Variants in GREB1L observed in about 807,000 individuals in gnomAD.
GREB1L encodes the protein GREB1 like retinoic acid receptor coactivator.
Under a neutral mutation model 200.8 loss-of-function variants are expected in GREB1L, and 17 were observed. The ratio of observed to expected loss-of-function variants is 0.08; its 90% CI spans 0.06 to 0.13. GREB1L has a LOEUF of 0.13. GREB1L is among the 10% of genes least tolerant of loss of function. The pLI is 1.00. For synonymous variants in GREB1L, 789 were observed against 893.0 expected, an observed-to-expected ratio of 0.88 and a Z score of 2.08; for missense variants, 1,657 against 2,367.7, an observed-to-expected ratio of 0.70 and a Z score of 6.23.
At chr18:21,508,349 A>C (rs976999414) in intron 26 of GREB1L, 38 bp from the exon 27 acceptor site, 1 of 1,550,248 alleles carries the variant, frequency 6.5e-7, no homozygotes. Flanking sequence ...TAGAGGCTTT[A>C]ATTTCCCTTT....
intron 1 of GREB1L, among the ~76,000 whole-genome samples, chr18:21,251,907 T>C (rs1598605884): frequency 7.2e-6 from 1 of 139,096 alleles, no homozygotes; most frequent in South Asian, 2.2e-4. Flanking sequence ...ATTGTGCCAG[T>C]GCACTCTAGC....
chr18:21,434,786 T>C (rs2033434373), intron 7 of GREB1L, among the ~76,000 whole-genome samples: 1 of 152,036 alleles, frequency 6.6e-6, no homozygotes, highest in South Asian at 2.1e-4. Flanking sequence ...AGTAAAAAAT[T>C]AAAAACCAGT....
At chr18:21,454,329 A>C (rs1262881052) in intron 14 of GREB1L, 37 bp from the exon 15 acceptor site, 13 of 1,443,104 alleles carry the variant, frequency 9.0e-6, no homozygotes, top group Non-Finnish European at 1.2e-5. Flanking sequence ...AGGGAAGTAA[A>C]TTAACCTTGT....
At chr18:21,271,947 T>C (rs1191450588) in intron 1 of GREB1L, among the ~76,000 whole-genome samples, 1 of 152,128 alleles carries the variant, frequency 6.6e-6, no homozygotes, top group Non-Finnish European at 1.5e-5. Flanking sequence ...CTTAAAGCTG[T>C]GCAAATTGGC....
intron 1 of GREB1L, among the ~76,000 whole-genome samples, chr18:21,358,791 A>G (rs1490393947): frequency 3.9e-5 from 6 of 152,210 alleles, no homozygotes; most frequent in Non-Finnish European, 8.8e-5. Context: ...CCACTAAAGA[A>G]CTTATTTATG....
At chr18:21,372,266 G>C (rs971756636) in intron 2 of GREB1L, among the ~76,000 whole-genome samples, 16 of 150,966 alleles carry the variant, frequency 1.1e-4, no homozygotes, top group African/African-American at 3.9e-4. Context: ...ATCTGCCTCA[G>C]TCTCCCAAGT....
intron 1 of GREB1L, among the ~76,000 whole-genome samples, chr18:21,305,272 C>T (rs1233101722): frequency 2.0e-5 from 3 of 152,152 alleles, no homozygotes; most frequent in Non-Finnish European, 4.4e-5. Context: ...CTGTACCCGG[C>T]CCCTATGTTA....
chr18:21,355,876 A>G (rs1326713397), intron 1 of GREB1L, among the ~76,000 whole-genome samples: 1 of 151,932 alleles, frequency 6.6e-6, no homozygotes, highest in Non-Finnish European at 1.5e-5. Context: ...TTGTGAACTT[A>G]TAAATGTTTT....
intron 7 of GREB1L, among the ~76,000 whole-genome samples, chr18:21,418,516 T>TTTTTGTTTTG (rs763102517): frequency 1.3e-5 from 2 of 152,108 alleles, no homozygotes; most frequent in Admixed American, 1.3e-4. Flanking sequence ...TAAAAAAATA[T>TTTTTGTTTTG]TTTTGTTTTG....
In GREB1L at chr18:21,500,262, C is replaced by A; in HGVS notation, c.3925C>A (p.Arg1309=). The change falls in exon 22 of 33, where the codon CGA becomes AGA. Residue 1309 remains arginine, a synonymous_variant. Transcript: ENST00000424526. ...SNQLDPASGT[R]NFHPRRLLLT... The stretch of plus-strand genomic sequence containing the variant: ...CCAGCTGGACCCGGCCTCTGGCACC[C>A]GAAACTTCCACCCCCGACGGCTCCT... 6.8e-7 allele frequency: 1 copy of A among 1,472,424 alleles called. No individual in the cohort carries two copies. The highest frequency in any genetic ancestry group is 9.2e-7 in the Non-Finnish European group (1 of 1,086,232). The allele number at this position is 1,472,424 out of a possible 1,614,324, so 91.2% of individuals were successfully genotyped here. A position where few individuals can be genotyped will look rare whatever the true frequency, so the allele number is the denominator to read the frequency against.
At chr18:21,414,213 A>G (rs1246394922) in intron 7 of GREB1L, among the ~76,000 whole-genome samples, 1 of 152,210 alleles carries the variant, frequency 6.6e-6, no homozygotes, top group Admixed American at 6.5e-5. Context: ...GCTAAAAAAG[A>G]TCATTATGAA....
intron 1 of GREB1L, among the ~76,000 whole-genome samples, chr18:21,328,083 C>T (rs1295291070): frequency 1.3e-5 from 2 of 152,178 alleles, no homozygotes; most frequent in African/African-American, 4.8e-5. Context: ...GCTACACCTA[C>T]TTCTGCCTGT....
intron 1 of GREB1L, among the ~76,000 whole-genome samples, chr18:21,287,888 G>A (rs1339407944): frequency 2.0e-5 from 3 of 148,522 alleles, no homozygotes; most frequent in Non-Finnish European, 3.0e-5. Context: ...TCCGCCTCCC[G>A]GGTTCAAGTG....
At position 21,525,697 on chromosome 18, in the gene GREB1L, A is replaced by G. The variant is rs1445579896; in HGVS notation, c.*2876A>G. ...GTTAATCTCCAGTTAAAACTTCTCAAACTTTTTGAGAGTGTCTCAAAGTTG... is the reference window on the plus strand; with the variant it reads ...GTTAATCTCCAGTTAAAACTTCTCAGACTTTTTGAGAGTGTCTCAAAGTTG... On this transcript the variant is annotated 3_prime_UTR_variant, in exon 33 of 33. Coordinates refer to ENST00000424526, the MANE Select transcript of GREB1L (RefSeq NM_001142966.3). Among the ~76,000 whole-genome samples the G allele has an allele frequency of 6.6e-6, 1 of 152,206 alleles. No individual in the cohort carries two copies. Among genetic ancestry groups the G allele is most frequent in the Admixed American group, 6.5e-5 (1 of 15,276 alleles).
chr18:21,244,034 A>G (rs1324331771), intron 1 of GREB1L, among the ~76,000 whole-genome samples: 1 of 152,220 alleles, frequency 6.6e-6, no homozygotes, highest in Non-Finnish European at 1.5e-5. Context: ...ACTGAACTAT[A>G]TATTCGTGGT....
chr18:21,482,252 GT>G (rs1400736613), intron 17 of GREB1L, among the ~76,000 whole-genome samples: 1 of 152,110 alleles, frequency 6.6e-6, no homozygotes, highest in Non-Finnish European at 1.5e-5. Context: ...GTTGAAAGAA[GT>G]TTTTTGTTTT....
chr18:21,522,859 G>A lies in GREB1L; in HGVS notation c.*38G>A, dbSNP rs1157229949. ...ACCAAAACAGCAAAAAGATGCCTAG[G>A]TGGGATGGGACAGAAACAATTTGGG... On this transcript the variant is annotated 3_prime_UTR_variant, in exon 33 of 33. Transcript: ENST00000424526. 2.0e-6 allele frequency: 3 copies of A among 1,509,920 alleles called. No individual in the cohort carries two copies. Among genetic ancestry groups the A allele is most frequent in the Admixed American group, 2.2e-5 (1 of 45,412 alleles). 93.5% of individuals were successfully genotyped at this position (1,509,920 alleles called of 1,614,324 possible).
intron 1 of GREB1L, among the ~76,000 whole-genome samples, chr18:21,253,515 T>G (rs958386095): frequency 6.6e-5 from 10 of 152,000 alleles, no homozygotes; most frequent in Admixed American, 3.3e-4. Flanking sequence ...CCTCCCAGAG[T>G]GCTGGAATTA....
rs533755530 is a variant in GREB1L at position 21,439,413 on chromosome 18, G to A, written c.833-108G>A. On this transcript the variant is annotated intron_variant, in intron 7 of 32. Coordinates refer to ENST00000424526, the MANE Select transcript of GREB1L (RefSeq NM_001142966.3). ...AACTGGACTGAGTCCTATCCGTGAG[G>A]TTTCTTGGAATCCTAGAGTGTGAGG... 2.6e-5 allele frequency: 17 copies of A among 658,388 alleles called. No homozygotes were observed. In the African/African-American group the frequency reaches 2.9e-4, roughly 11 times the overall value. 40.8% of individuals were successfully genotyped at this position (658,388 alleles called of 1,614,324 possible). A position where few individuals can be genotyped will look rare whatever the true frequency, so the allele number is the denominator to read the frequency against.
Sources: gnomAD v4.1 joint callset for allele counts (sites outside exome capture counted in the v4.1 genomes callset) on GRCh38, gnomAD v4.1.1 for gene constraint, MANE v1.5 for transcripts, NCBI Gene and HGNC (gene_info 2026-07-23, HGNC 2026-07-21) for gene names.